ERG: variants seen among roughly 807,000 people sequenced by gnomAD.
ERG encodes ETS transcription factor ERG.
ERG carries 9 observed loss-of-function variants against 55.3 expected under a neutral mutation model. The ratio of observed to expected loss-of-function variants is 0.16; its 90% CI spans 0.10 to 0.28. The LOEUF is 0.28. Ranked by LOEUF, ERG falls within the 10% of genes least tolerant of loss-of-function variation. The pLI is 1.00. For missense variants in ERG, 434 were observed against 631.6 expected (o/e 0.69, Z 3.35); for synonymous variants, 223 against 237.3 (o/e 0.94, Z 0.55).
At chr21:38,635,576 TA>T (rs2060383223) in intron 1 of ERG, among the ~76,000 whole-genome samples, 1 of 152,160 alleles carries the variant, frequency 6.6e-6, no homozygotes, top group South Asian at 2.1e-4. Flanking sequence ...GAAATAAGCA[TA>T]ATAATAATAA....
intron 1 of ERG, among the ~76,000 whole-genome samples, chr21:38,625,664 C>A (rs2060319856): frequency 1.3e-5 from 2 of 152,164 alleles, no homozygotes; most frequent in South Asian, 4.1e-4. Flanking sequence ...CAGGAAGTCC[C>A]AAGCCAGCCT....
chr21:38,449,907 G>C (rs2058925223), intron 1 of ERG, among the ~76,000 whole-genome samples: 1 of 152,118 alleles, frequency 6.6e-6, no homozygotes, highest in Non-Finnish European at 1.5e-5. Context: ...GTAAGCAAAG[G>C]CATCCATGGT....
intron 1 of ERG, among the ~76,000 whole-genome samples, chr21:38,458,599 A>C (rs1452419349): frequency 6.6e-6 from 1 of 152,146 alleles, no homozygotes; most frequent in African/African-American, 2.4e-5. Flanking sequence ...TCCAACAAAA[A>C]TATCCAATAT....
At chr21:38,402,781 C>T (rs1423887291) in intron 4 of ERG, 144 bp from the exon 5 acceptor site, 4 of 620,708 alleles carry the variant, frequency 6.4e-6, no homozygotes, top group Non-Finnish European at 1.1e-5. Flanking sequence ...ACACTAACAT[C>T]ATGGGAAGCT....
intron 3 of ERG, among the ~76,000 whole-genome samples, chr21:38,415,196 T>C (rs1051731557): frequency 7.9e-5 from 12 of 152,190 alleles, no homozygotes. Context: ...GGCTGTGACA[T>C]ATTTGGCAAC....
Position 38,392,423 on chromosome 21 carries a change from C to T in ERG, c.767G>A (p.Arg256Lys). The T allele has an allele frequency of 6.4e-7, 1 of 1,554,692 alleles. No homozygotes were observed. Among genetic ancestry groups the T allele is most frequent in the Non-Finnish European group, 8.7e-7 (1 of 1,148,894 alleles). ...TRPDLPYEPP[R>K]RSAWTGHGHP... is the part of the protein sequence containing the mutation. Reference sequence around the variant, plus strand: ...GCCGTGACCGGTCCAGGCTGATCTCCTGGGGGGCTCATATGGTAAATCTGT... The same window carrying T: ...GCCGTGACCGGTCCAGGCTGATCTCTTGGGGGGCTCATATGGTAAATCTGT... The change falls in exon 7 of 10, where the codon AGG (arginine) becomes AAG (lysine). Residue 256 changes from arginine (R) to lysine (K), a missense_variant. Arg to Lys is a conservative substitution (Grantham distance 26). Coordinates refer to ENST00000288319, the MANE Select transcript of ERG (RefSeq NM_182918.4).
chr21:38,423,680 AG>A (rs1157941982), intron 2 of ERG, 119 bp from the exon 3 acceptor site: 26 of 1,131,904 alleles, frequency 2.3e-5, no homozygotes, highest in Non-Finnish European at 3.2e-5. Flanking sequence ...TGGGGGAGAA[AG>A]GACAAGTGTG....
chr21:38,479,179 A>T (rs952206135), intron 1 of ERG, among the ~76,000 whole-genome samples: 4 of 152,220 alleles, frequency 2.6e-5, no homozygotes, highest in African/African-American at 9.6e-5. Flanking sequence ...CATCAACAAA[A>T]CTAATTGCAT....
intron 3 of ERG, among the ~76,000 whole-genome samples, chr21:38,422,766 A>T (rs369228332): frequency 6.6e-6 from 1 of 152,190 alleles, no homozygotes; most frequent in African/African-American, 2.4e-5. Context: ...TGGTTATTAG[A>T]ATCTGTATTA....
intron 9 of ERG, among the ~76,000 whole-genome samples, chr21:38,389,589 G>C (rs1045437587): frequency 2.0e-5 from 3 of 151,000 alleles, no homozygotes; most frequent in African/African-American, 7.3e-5. Context: ...CAAATGAAAA[G>C]CTGAGCAGAA....
At chr21:38,391,273 G>T (rs1987956272) in intron 8 of ERG, among the ~76,000 whole-genome samples, 1 of 152,112 alleles carries the variant, frequency 6.6e-6, no homozygotes, top group East Asian at 1.9e-4. Flanking sequence ...TCAACCCCAG[G>T]ATCCTGACAT....
At chr21:38,641,804 C>T (rs541547647) in intron 1 of ERG, among the ~76,000 whole-genome samples, 3 of 152,134 alleles carry the variant, frequency 2.0e-5, no homozygotes, top group South Asian at 4.1e-4. Context: ...TCTTTCATCA[C>T]ACAATTCCAC....
At chr21:38,392,551 A>C in intron 6 of ERG, 107 bp from the exon 7 acceptor site, 1 of 760,184 alleles carries the variant, frequency 1.3e-6, no homozygotes. Context: ...TTTGTGCAAA[A>C]AAATCTGGTA....
intron 2 of ERG, among the ~76,000 whole-genome samples, chr21:38,515,931 A>G (rs35947746): frequency 9.2e-5 from 14 of 152,042 alleles, no homozygotes; most frequent in Non-Finnish European, 1.5e-4. Flanking sequence ...AAAACTTAAC[A>G]TTGTTTCATA....
chr21:38,520,764 A>T (rs962927437), intron 2 of ERG, among the ~76,000 whole-genome samples: 1 of 152,194 alleles, frequency 6.6e-6, no homozygotes, highest in Non-Finnish European at 1.5e-5. Flanking sequence ...ATCAGAGATG[A>T]TCTGTGGTTT....
chr21:38,431,030 T>G (rs1298817900), intron 2 of ERG, among the ~76,000 whole-genome samples: 1 of 152,232 alleles, frequency 6.6e-6, no homozygotes, highest in Non-Finnish European at 1.5e-5. Flanking sequence ...AACTGGCTTG[T>G]TGAGCTTCAA....
rs146285148 is a variant in ERG, at chr21:38,546,844, G to T, written c.-41+28818C>A. On this transcript the variant is annotated intron_variant, in intron 2 of 8. Transcript: ENST00000398897. ...AAAGCTGAGCTTCCCATTGTACCTG[G>T]TTGTTGATCTCCTCGTTGACCTCCC... Among the ~76,000 whole-genome samples, 35 of 152,322 alleles carry T rather than the reference G, an allele frequency of 2.3e-4. No individual in the cohort carries two copies. In the East Asian group the frequency reaches 6.0e-3, roughly 26 times the overall value.
At chr21:38,480,304 G>A (rs1047293137) in intron 1 of ERG, among the ~76,000 whole-genome samples, 4 of 152,068 alleles carry the variant, frequency 2.6e-5, no homozygotes, top group Non-Finnish European at 4.4e-5. Context: ...GTGGAATCGC[G>A]GATAAGAGAG....
chr21:38,575,736 A>T, exon 2 of ERG: 1 of 1,613,528 alleles, frequency 6.2e-7, no homozygotes, highest in Non-Finnish European at 8.5e-7. Flanking sequence ...CCAGCTGTTC[A>T]GAACCTGACG....
Sources: gnomAD v4.1 joint callset for allele counts (sites outside exome capture counted in the v4.1 genomes callset) on GRCh38, gnomAD v4.1.1 for gene constraint, MANE v1.5 for transcripts, NCBI Gene and HGNC (gene_info 2026-07-23, HGNC 2026-07-21) for gene names.